ARFGEF2: variants seen among roughly 807,000 people sequenced by gnomAD.
The protein encoded by ARFGEF2 is ARF guanine nucleotide exchange factor 2.
A neutral mutation model predicts 219.9 loss-of-function variants in ARFGEF2; 74 were observed. That is an observed-to-expected ratio of 0.34 (90% confidence interval 0.28 to 0.41). The LOEUF (loss-of-function observed/expected upper bound fraction) is 0.41. Ranked by LOEUF, ARFGEF2 falls within the 10% of genes least tolerant of loss-of-function variation. ARFGEF2 has a pLI of 1.00. For missense variants in ARFGEF2, 1,743 were observed against 2,218.3 expected (o/e 0.79, Z 4.30); for synonymous variants, 733 against 799.2 (o/e 0.92, Z 1.40).
At chr20:49,018,130 A>T (rs2091542279) in intron 33 of ARFGEF2, among the ~76,000 whole-genome samples, 1 of 152,216 alleles carries the variant, frequency 6.6e-6, no homozygotes, top group South Asian at 2.1e-4. Flanking sequence ...TACAGAGAGG[A>T]GTTGAATTAA....
chr20:48,976,590 T>G (rs893742392), intron 14 of ARFGEF2, among the ~76,000 whole-genome samples: 2 of 152,044 alleles, frequency 1.3e-5, no homozygotes, highest in African/African-American at 4.8e-5. Context: ...AGGTGGATCA[T>G]GAGGTCAGGA....
chr20:48,971,210 G>A lies in ARFGEF2; in HGVS notation c.1281G>A (p.Met427Ile), dbSNP rs534091799. 3.7e-6 allele frequency: 6 copies of A among 1,614,128 alleles called. No individual in the cohort carries two copies. The African/African-American group carries it at 8.0e-5, about 22-fold the overall frequency. ...GCCCCGTATTCAGGACTCACGAGAT[G>A]TTCATCAATGCAATCAAGCAATATC... Reference protein sequence around the residue: ...NAGPVFRTHEMFINAIKQYLC... With the variant: ...NAGPVFRTHEIFINAIKQYLC... The change falls in exon 10 of 39, where the codon ATG becomes ATA. Residue 427 changes from methionine (M) to isoleucine (I), a missense_variant. Around this residue, in one of 5 missense-constraint regions of ARFGEF2, gnomAD observed 666 missense variants for 955.4 expected, o/e 0.70. Coordinates refer to ENST00000371917, the MANE Select transcript of ARFGEF2 (RefSeq NM_006420.3).
chr20:48,944,811 G>A (rs544639856), intron 3 of ARFGEF2, among the ~76,000 whole-genome samples: 8 of 152,172 alleles, frequency 5.3e-5, no homozygotes, highest in Non-Finnish European at 8.8e-5. Flanking sequence ...TTAACCAGGG[G>A]TCATCAGCTT....
intron 20 of ARFGEF2, among the ~76,000 whole-genome samples, chr20:48,990,201 A>AATG (rs1335282734): frequency 6.6e-6 from 1 of 152,076 alleles, no homozygotes; most frequent in East Asian, 1.9e-4. Context: ...TAATAATAAT[A>AATG]ATAGGTAGGG....
intron 6 of ARFGEF2, among the ~76,000 whole-genome samples, chr20:48,962,363 A>G (rs1418581504): frequency 6.6e-6 from 1 of 152,210 alleles, no homozygotes; most frequent in Non-Finnish European, 1.5e-5. Flanking sequence ...AATGACGGCT[A>G]TGATGTCACT....
At chr20:48,963,809 T>C in intron 6 of ARFGEF2, 21 bp from the exon 7 acceptor site, 1 of 1,611,904 alleles carries the variant, frequency 6.2e-7, no homozygotes. Flanking sequence ...GTGTGTTTTG[T>C]ATATTTGGAT....
chr20:48,983,867 G>A (rs549416215), intron 14 of ARFGEF2, among the ~76,000 whole-genome samples: 1 of 152,194 alleles, frequency 6.6e-6, no homozygotes, highest in African/African-American at 2.4e-5. Flanking sequence ...CTCAGGCCTG[G>A]TAAATAATAA....
intron 6 of ARFGEF2, among the ~76,000 whole-genome samples, chr20:48,959,256 A>G (rs1266366218): frequency 2.6e-5 from 4 of 152,024 alleles, no homozygotes; most frequent in Non-Finnish European, 4.4e-5. Context: ...GGAATGTATG[A>G]TACAGATTGG....
chr20:48,969,038 G>A, intron 8 of ARFGEF2, 109 bp from the exon 9 acceptor site: 1 of 1,085,176 alleles, frequency 9.2e-7, no homozygotes, highest in Non-Finnish European at 1.4e-6. Context: ...ATGGCTTACT[G>A]CAGCCTTGAC....
chr20:49,004,860 TTTAA>T (rs1364554248), intron 25 of ARFGEF2, among the ~76,000 whole-genome samples: 3 of 152,184 alleles, frequency 2.0e-5, no homozygotes, highest in Non-Finnish European at 2.9e-5. Flanking sequence ...TAAATGCATA[TTTAA>T]TTAACTATGC....
intron 12 of ARFGEF2, among the ~76,000 whole-genome samples, chr20:48,973,795 A>G (rs2091243421): frequency 6.6e-6 from 1 of 152,130 alleles, no homozygotes; most frequent in African/African-American, 2.4e-5. Context: ...ATTTTGGTAT[A>G]TGGGCATTTT....
At chr20:48,969,712 TAAAC>T (rs1291820290) in intron 9 of ARFGEF2, among the ~76,000 whole-genome samples, 1 of 152,190 alleles carries the variant, frequency 6.6e-6, no homozygotes, top group African/African-American at 2.4e-5. Context: ...TTCTTTGTAG[TAAAC>T]AAACTACTAC....
chr20:48,951,863 G>A (rs1171567930), intron 4 of ARFGEF2, among the ~76,000 whole-genome samples: 1 of 152,226 alleles, frequency 6.6e-6, no homozygotes, highest in East Asian at 1.9e-4. Flanking sequence ...GGCACAGATA[G>A]TACCATCTGC....
chr20:48,925,352 TA>T, intron 1 of ARFGEF2, among the ~76,000 whole-genome samples: 1 of 152,328 alleles, frequency 6.6e-6, no homozygotes, highest in African/African-American at 2.4e-5. Context: ...AACTTTGATA[TA>T]TATTAATAAT....
chr20:48,941,139 A>C, intron 1 of ARFGEF2, 60 bp from the exon 2 acceptor site: 1 of 1,500,226 alleles, frequency 6.7e-7, no homozygotes, highest in South Asian at 1.2e-5. Context: ...CTTTTAGTAA[A>C]GTTTTCCTTT....
chr20:48,975,199 A>G (rs2091253589), intron 13 of ARFGEF2, among the ~76,000 whole-genome samples: 1 of 152,102 alleles, frequency 6.6e-6, no homozygotes, highest in African/African-American at 2.4e-5. Context: ...TAATTTTTTT[A>G]AAGAGACAGA....
intron 1 of ARFGEF2, among the ~76,000 whole-genome samples, chr20:48,936,254 A>C (rs1247942806): frequency 1.8e-5 from 2 of 113,352 alleles, no homozygotes; most frequent in African/African-American, 3.5e-5. Context: ...CGGGGGGCTG[A>C]CCCCCCCACC....
intron 34 of ARFGEF2, among the ~76,000 whole-genome samples, chr20:49,022,438 A>C (rs141254504): frequency 0.17 from 20,853 of 122,018 alleles, 2,034 homozygotes; most frequent in African/African-American, 0.32. Flanking sequence ...ACAAAAAAAA[A>C]AAACCCACAA....
In ARFGEF2 at chr20:48,969,227, C is replaced by T; in HGVS notation, c.1140C>T (p.Ser380=). The T allele has an allele frequency of 6.2e-7, 1 of 1,614,202 alleles. No homozygotes were observed. The highest frequency in any genetic ancestry group is 8.5e-7 in the Non-Finnish European group (1 of 1,180,030). The stretch of plus-strand genomic sequence containing the variant: ...AGGATGCCTTCCTTGTGTTCCGCTC[C>T]CTGTGCAAGCTGTCCATGAAACCCC... The part of the protein sequence containing the change: ...LQKDAFLVFR[S]LCKLSMKPLG... Residue 380 remains serine (S), a synonymous_variant, in exon 9 of 39, where the codon TCC becomes TCT. Coordinates refer to ENST00000371917, the MANE Select transcript of ARFGEF2 (RefSeq NM_006420.3).
Sources: gnomAD v4.1 joint callset for allele counts (sites outside exome capture counted in the v4.1 genomes callset) on GRCh38, gnomAD v4.1.1 for gene constraint, gnomAD v4.1.1 regional missense constraint, MANE v1.5 for transcripts, NCBI Gene and HGNC (gene_info 2026-07-23, HGNC 2026-07-21) for gene names.